Variants in SNTG1 observed in about 807,000 individuals in gnomAD.
SNTG1 encodes syntrophin gamma 1.
SNTG1 carries 39 observed loss-of-function variants against 74.7 expected under a neutral mutation model. That is an observed-to-expected ratio of 0.52 (90% CI 0.40 to 0.68). The LOEUF is 0.68. Ranked by LOEUF, SNTG1 falls within the 30% of genes least tolerant of loss-of-function variation. SNTG1 has a pLI of 0.00. For synonymous variants in SNTG1, 254 were observed against 217.1 expected, an observed-to-expected ratio of 1.17 and a Z score of -1.49; for missense variants, 685 against 609.5, an observed-to-expected ratio of 1.12 and a Z score of -1.30.
At chr8:50,600,004 A>G (rs1003602738) in intron 13 of SNTG1, among the ~76,000 whole-genome samples, 1 of 152,110 alleles carries the variant, frequency 6.6e-6, no homozygotes, top group African/African-American at 2.4e-5. Context: ...GTATTTTTTA[A>G]TCATGAAGGG....
chr8:50,385,815 C>T (rs1215599651), intron 2 of SNTG1, among the ~76,000 whole-genome samples: 2 of 152,186 alleles, frequency 1.3e-5, no homozygotes, highest in Non-Finnish European at 1.5e-5. Context: ...AATAAAACCA[C>T]ATCTGCTACA....
chr8:50,785,661 A>G (rs2095672659), intron 18 of SNTG1, among the ~76,000 whole-genome samples: 1 of 152,186 alleles, frequency 6.6e-6, no homozygotes, highest in Middle Eastern at 3.4e-3. Flanking sequence ...ACACTCCTCT[A>G]CTTATTTGAG....
chr8:50,247,414 A>G (rs372746656), intron 2 of SNTG1, among the ~76,000 whole-genome samples: 15 of 152,268 alleles, frequency 9.9e-5, no homozygotes, highest in East Asian at 9.7e-4. Context: ...TGAAGAAAGC[A>G]TCATCCTTCT....
intron 13 of SNTG1, among the ~76,000 whole-genome samples, chr8:50,636,365 C>T (rs1166653693): frequency 6.6e-6 from 1 of 151,962 alleles, no homozygotes; most frequent in African/African-American, 2.4e-5. Context: ...CCTAGAGTTA[C>T]AGCTCTTGTG....
rs547098734 is a variant in SNTG1 at position 50,210,452 on chromosome 8, G to C, written c.-28+37817G>C. 7.9e-5 allele frequency among the ~76,000 whole-genome samples: 12 copies of C among 152,270 alleles called. No individual in the cohort carries two copies. The East Asian group carries it at 1.9e-3, about 25-fold the overall frequency. On this transcript the variant is annotated intron_variant, in intron 2 of 18. Coordinates refer to ENST00000642720, the MANE Select transcript of SNTG1 (RefSeq NM_018967.5). ...CAGATTCACCAAAGTTGAAATGACG[G>C]AAAAAATGTTAAGGGCAGCCAGAGA...
rs185636598 is a variant in SNTG1 at position 50,245,906 on chromosome 8, G to A, written c.-28+73271G>A. ...CTTTGCAAACTATGAAAACTTTGTCGATTATTAAGAATTACATCAATGCCT... is the reference window on the plus strand; with the variant it reads ...CTTTGCAAACTATGAAAACTTTGTCAATTATTAAGAATTACATCAATGCCT... On this transcript the variant is annotated intron_variant, in intron 2 of 18. Transcript: ENST00000642720. 2.6e-5 allele frequency among the ~76,000 whole-genome samples: 4 copies of A among 151,896 alleles called. No homozygotes were observed. The East Asian group carries it at 7.7e-4, about 29-fold the overall frequency.
Position 50,232,878 on chromosome 8 carries a change from A to G in SNTG1, c.-28+60243A>G, listed in dbSNP as rs1003421144. Reference sequence around the variant, plus strand: ...GCTGTGATATAAACTTAAAACACCTACAGGACTTTAACCCGAAAACTCAAT... The same window carrying G: ...GCTGTGATATAAACTTAAAACACCTGCAGGACTTTAACCCGAAAACTCAAT... On this transcript the variant is annotated intron_variant, in intron 2 of 18. Transcript: ENST00000642720. 5.3e-5 allele frequency among the ~76,000 whole-genome samples: 8 copies of G among 151,556 alleles called. No individual in the cohort carries two copies. In the South Asian group the frequency reaches 6.2e-4, roughly 12 times the overall value.
Position 50,392,489 on chromosome 8 carries a change from T to C in SNTG1, c.-27-1723T>C, listed in dbSNP as rs200129878. On this transcript the variant is annotated intron_variant, in intron 2 of 18. Coordinates refer to ENST00000642720, the MANE Select transcript of SNTG1 (RefSeq NM_018967.5). ...CTTTGGCTCTTTGGCTATTATTCCC[T>C]CTCCCAATGTTTTAGAAAAGTCAAA... Among the ~76,000 whole-genome samples, 6 of 152,318 alleles carry C rather than the reference T, an allele frequency of 3.9e-5. No homozygotes were observed. The East Asian group carries it at 1.2e-3, about 29-fold the overall frequency.
intron 2 of SNTG1, among the ~76,000 whole-genome samples, chr8:50,204,384 A>T (rs182083333): frequency 1.1e-4 from 16 of 152,164 alleles, no homozygotes; most frequent in Admixed American, 1.0e-3. Flanking sequence ...GATTATCTTG[A>T]TCATGATTTT....
chr8:50,354,033 G>A (rs774293471), intron 2 of SNTG1, among the ~76,000 whole-genome samples: 3 of 152,186 alleles, frequency 2.0e-5, no homozygotes, highest in Non-Finnish European at 4.4e-5. Context: ...AGAAAGGGCA[G>A]ACCAGTGAAC....
chr8:50,240,830 T>C (rs1310023418), intron 2 of SNTG1, among the ~76,000 whole-genome samples: 3 of 152,240 alleles, frequency 2.0e-5, no homozygotes, highest in African/African-American at 7.2e-5. Context: ...TAATTTTGAT[T>C]TACCAGTTTC....
intron 15 of SNTG1, among the ~76,000 whole-genome samples, chr8:50,671,169 C>G (rs1314567066): frequency 6.6e-6 from 1 of 151,902 alleles, no homozygotes; most frequent in African/African-American, 2.4e-5. Flanking sequence ...AAAGCAATGG[C>G]AACAAAAGCC....
At chr8:50,176,964 A>C (rs2083021968) in intron 2 of SNTG1, among the ~76,000 whole-genome samples, 1 of 152,256 alleles carries the variant, frequency 6.6e-6, no homozygotes, top group East Asian at 1.9e-4. Context: ...CCCCCTGTTC[A>C]GTCAAGAGAA....
At chr8:50,712,007 T>C (rs1207108158) in intron 17 of SNTG1, among the ~76,000 whole-genome samples, 1 of 152,262 alleles carries the variant, frequency 6.6e-6, no homozygotes, top group Non-Finnish European at 1.5e-5. Flanking sequence ...TAAAAATGTA[T>C]ATGTGCATTA....
rs1444063462 is a variant in SNTG1 at position 50,124,273 on chromosome 8, C to T, written c.-102-48288C>T. Among the ~76,000 whole-genome samples, 8 of 141,838 alleles carry T rather than the reference C, an allele frequency of 5.6e-5. 2 individuals carry two copies. In the Admixed American group the frequency reaches 5.8e-4, roughly 10 times the overall value. The allele number at this position is 141,838 out of a possible 152,430, so 93.1% of individuals were successfully genotyped here. ...TGAGAAAGGCTTTGGGAGAAACCAA[C>T]CCGCTGACACATCAGCCTCAGAGTT... On this transcript the variant is annotated intron_variant, in intron 1 of 18. Transcript: ENST00000642720.
At chr8:50,337,259 C>A (rs1190139078) in intron 2 of SNTG1, among the ~76,000 whole-genome samples, 1 of 152,152 alleles carries the variant, frequency 6.6e-6, no homozygotes, top group Non-Finnish European at 1.5e-5. Flanking sequence ...ATACAGGGAA[C>A]CACAGCTTAC....
chr8:50,681,843 G>C (rs185405817), intron 15 of SNTG1, among the ~76,000 whole-genome samples: 7 of 152,276 alleles, frequency 4.6e-5, no homozygotes, highest in East Asian at 3.9e-4. Context: ...ATGATTCCAT[G>C]TGGATGCCTA....
At chr8:50,280,341 G>T (rs1472937195) in intron 2 of SNTG1, among the ~76,000 whole-genome samples, 2 of 152,206 alleles carry the variant, frequency 1.3e-5, no homozygotes, top group Non-Finnish European at 2.9e-5. Flanking sequence ...AAAATTTCTA[G>T]ATGTGGGTTG....
chr8:50,298,376 A>G (rs771074679), intron 2 of SNTG1, among the ~76,000 whole-genome samples: 3 of 152,164 alleles, frequency 2.0e-5, no homozygotes, highest in Admixed American at 6.6e-5. Flanking sequence ...GCTCAGATTC[A>G]TGATGTTTCC....
Sources: gnomAD v4.1 joint callset for allele counts (sites outside exome capture counted in the v4.1 genomes callset) on GRCh38, gnomAD v4.1.1 for gene constraint, MANE v1.5 for transcripts, NCBI Gene and HGNC (gene_info 2026-07-23, HGNC 2026-07-21) for gene names.